METTL25: variants seen among roughly 807,000 people sequenced by gnomAD.
The protein encoded by METTL25 is probable methyltransferase-like protein 25.
Under a neutral mutation model 71.6 loss-of-function variants are expected in METTL25, and 64 were observed. The ratio of observed to expected loss-of-function variants is 0.89; its 90% CI spans 0.73 to 1.10. The LOEUF is 1.10. Among genes scored for constraint, METTL25 ranks in the 50% least tolerant of loss-of-function variants. METTL25 has a pLI of 0.00. For synonymous variants in METTL25, 287 were observed against 250.3 expected (o/e 1.15, Z -1.38); for missense variants, 807 against 707.0 (o/e 1.14, Z -1.60).
intron 1 of METTL25, among the ~76,000 whole-genome samples, chr12:82,383,404 GACCAAGGTCTTAATTCATACT>G (rs1672199581): frequency 6.6e-6 from 1 of 152,058 alleles, no homozygotes; most frequent in South Asian, 2.1e-4. Context: ...TGGGAATTAA[GACCAAGGTCTTAATTCATACT>G]ACCTTGGATT....
At chr12:82,367,555 A>G (rs1882703167) in intron 1 of METTL25, among the ~76,000 whole-genome samples, 1 of 152,146 alleles carries the variant, frequency 6.6e-6, no homozygotes, top group Admixed American at 6.5e-5. Context: ...TTTCATTCCC[A>G]TAGAAAATAG....
At chr12:82,378,246 T>C (rs1884080335) in intron 1 of METTL25, among the ~76,000 whole-genome samples, 1 of 152,212 alleles carries the variant, frequency 6.6e-6, no homozygotes, top group Non-Finnish European at 1.5e-5. Flanking sequence ...GGAATTTAAA[T>C]TTAACATTTA....
intron 5 of METTL25, among the ~76,000 whole-genome samples, chr12:82,422,392 G>A (rs1454236560): frequency 6.6e-6 from 1 of 152,044 alleles, no homozygotes; most frequent in African/African-American, 2.4e-5. Flanking sequence ...TTGATGGGAC[G>A]TATTTAAAAA....
intron 1 of METTL25, among the ~76,000 whole-genome samples, chr12:82,380,193 T>G (rs1438419458): frequency 6.6e-6 from 1 of 152,204 alleles, no homozygotes; most frequent in Non-Finnish European, 1.5e-5. Flanking sequence ...CATCATTTAT[T>G]TCCCACTTAT....
chr12:82,408,810 A>G (rs1887319141), intron 5 of METTL25, among the ~76,000 whole-genome samples: 1 of 152,178 alleles, frequency 6.6e-6, no homozygotes, highest in Non-Finnish European at 1.5e-5. Flanking sequence ...TCTGACTTAC[A>G]GAGAAAGGGG....
chr12:82,410,441 T>C (rs1484749436), intron 5 of METTL25, among the ~76,000 whole-genome samples: 1 of 152,134 alleles, frequency 6.6e-6, no homozygotes, highest in Non-Finnish European at 1.5e-5. Flanking sequence ...CTTTTAATGC[T>C]GGAAGTTTGG....
chr12:82,414,000 T>A (rs547763699), intron 5 of METTL25, among the ~76,000 whole-genome samples: 5 of 151,386 alleles, frequency 3.3e-5, no homozygotes, highest in East Asian at 3.9e-4. Flanking sequence ...ATATATATAT[T>A]TTTTCTTAAC....
intron 3 of METTL25, among the ~76,000 whole-genome samples, chr12:82,392,137 G>T (rs1885648617): frequency 2.1e-5 from 3 of 146,188 alleles, no homozygotes; most frequent in Admixed American, 6.9e-5. Flanking sequence ...TAAGTTTTAG[G>T]GTACATGTGC....
intron 3 of METTL25, among the ~76,000 whole-genome samples, chr12:82,392,276 C>T (rs1592638731): frequency 6.9e-6 from 1 of 145,510 alleles, no homozygotes; most frequent in African/African-American, 2.5e-5. Context: ...CCACAACAGT[C>T]CCCAGAGTGT....
intron 4 of METTL25, among the ~76,000 whole-genome samples, chr12:82,401,689 T>C (rs1475065663): frequency 1.3e-5 from 2 of 152,086 alleles, no homozygotes; most frequent in Non-Finnish European, 2.9e-5. Flanking sequence ...AGATTAATTT[T>C]AGTTGGTATT....
chr12:82,419,934 A>T (rs1335705923), intron 5 of METTL25, among the ~76,000 whole-genome samples: 1 of 152,188 alleles, frequency 6.6e-6, no homozygotes, highest in East Asian at 1.9e-4. Flanking sequence ...AGCATTATTC[A>T]CAGTAACCTA....
At chr12:82,380,785 G>A (rs1296043605) in intron 1 of METTL25, among the ~76,000 whole-genome samples, 2 of 152,180 alleles carry the variant, frequency 1.3e-5, no homozygotes, top group Non-Finnish European at 2.9e-5. Context: ...ATGGTGATAA[G>A]TGCTTTAAAA....
intron 3 of METTL25, 97 bp downstream of exon 3, chr12:82,390,019 T>C: frequency 1.4e-6 from 1 of 691,082 alleles, no homozygotes; most frequent in Non-Finnish European, 2.6e-6. Context: ...GCCTTTAAAA[T>C]GTCATTAAAT....
chr12:82,360,065 G>C (rs1320331969), intron 1 of METTL25, among the ~76,000 whole-genome samples: 1 of 152,132 alleles, frequency 6.6e-6, no homozygotes, highest in Non-Finnish European at 1.5e-5. Context: ...CCAGCACTTG[G>C]TAAAATACTT....
Position 82,430,874 on chromosome 12 carries a change from A to T in METTL25, c.1280-19A>T. The T allele has an allele frequency of 7.6e-7, 1 of 1,318,296 alleles. No homozygotes were observed. Among genetic ancestry groups the T allele is most frequent in the Non-Finnish European group, 1.1e-6 (1 of 937,052 alleles). 81.7% of individuals were successfully genotyped at this position (1,318,296 alleles called of 1,614,324 possible). On this transcript the variant is annotated intron_variant, in intron 5 of 11. Coordinates refer to ENST00000248306, the MANE Select transcript of METTL25 (RefSeq NM_032230.3). ...AAAGAATTTTATTTAAATAATCCGT[A>T]TTTTTCCCCCATCTGCAGAACGTAC...
intron 10 of METTL25, 87 bp downstream of exon 10, chr12:82,476,805 C>A: frequency 2.5e-6 from 2 of 808,644 alleles, no homozygotes; most frequent in South Asian, 1.9e-5. Context: ...GCTAAGCAAT[C>A]TATGTTGTTT....
chr12:82,478,306 A>G (rs2137325010), intron 11 of METTL25, among the ~76,000 whole-genome samples: 1 of 151,958 alleles, frequency 6.6e-6, no homozygotes, highest in South Asian at 2.1e-4. Context: ...ATGAAATGAT[A>G]GAAATTATAG....
chr12:82,432,239 A>G (rs1426125809), intron 6 of METTL25, among the ~76,000 whole-genome samples: 3 of 151,714 alleles, frequency 2.0e-5, no homozygotes, highest in Non-Finnish European at 3.0e-5. Context: ...GTTATATACT[A>G]GAATTATCTT....
intron 5 of METTL25, among the ~76,000 whole-genome samples, chr12:82,423,342 T>C (rs1888694524): frequency 6.6e-6 from 1 of 152,162 alleles, no homozygotes; most frequent in Admixed American, 6.5e-5. Flanking sequence ...TAGCCATATG[T>C]AGAAAGCTGA....
Sources: gnomAD v4.1 joint callset for allele counts (sites outside exome capture counted in the v4.1 genomes callset) on GRCh38, gnomAD v4.1.1 for gene constraint, MANE v1.5 for transcripts, NCBI Gene and HGNC (gene_info 2026-07-23, HGNC 2026-07-21) for gene names.